NRXN1: variants seen among roughly 807,000 people sequenced by gnomAD.
NRXN1 encodes the protein neurexin-1.
Under a neutral mutation model 150.9 loss-of-function variants are expected in NRXN1, and 39 were observed. That is an observed-to-expected ratio of 0.26 (90% confidence interval 0.20 to 0.34). The LOEUF (loss-of-function observed/expected upper bound fraction) is 0.34. NRXN1 is among the 10% of genes least tolerant of loss of function. The pLI, the probability that NRXN1 is intolerant of heterozygous loss-of-function variation, is 1.00. For synonymous variants in NRXN1, 924 were observed against 757.0 expected, an observed-to-expected ratio of 1.22 and a Z score of -3.62; for missense variants, 1,815 against 1,949.9, an observed-to-expected ratio of 0.93 and a Z score of 1.30.
chr2:50,014,095 GT>G (rs200994555), intron 21 of NRXN1, among the ~76,000 whole-genome samples: 4 of 148,602 alleles, frequency 2.7e-5, no homozygotes, highest in East Asian at 2.0e-4. Context: ...TAAAGAGCTT[GT>G]TTTTTTTTTG....
intron 17 of NRXN1, among the ~76,000 whole-genome samples, chr2:50,407,590 A>G (rs79352707): frequency 0.034 from 5,178 of 152,122 alleles, 306 homozygotes; most frequent in African/African-American, 0.12. Flanking sequence ...CTGTCCCCTC[A>G]TGGATGTGTT....
At chr2:50,259,976 T>C (rs949462430) in intron 17 of NRXN1, among the ~76,000 whole-genome samples, 4 of 151,746 alleles carry the variant, frequency 2.6e-5, no homozygotes, top group Non-Finnish European at 5.9e-5. Flanking sequence ...ACAGATGAAA[T>C]TGGGTTATCT....
chr2:50,733,408 G>A (rs1175528296), intron 5 of NRXN1, among the ~76,000 whole-genome samples: 1 of 151,950 alleles, frequency 6.6e-6, no homozygotes, highest in Non-Finnish European at 1.5e-5. Flanking sequence ...TAGCAAATGG[G>A]AGAAAACAAA....
intron 5 of NRXN1, among the ~76,000 whole-genome samples, chr2:50,773,282 G>A (rs1287588848): frequency 6.6e-6 from 1 of 152,044 alleles, no homozygotes; most frequent in East Asian, 1.9e-4. Context: ...TTTGTCCAGA[G>A]GGTCTCTTTT....
At chr2:50,626,008 C>A (rs1224417777) in intron 5 of NRXN1, among the ~76,000 whole-genome samples, 4 of 151,994 alleles carry the variant, frequency 2.6e-5, no homozygotes, top group Admixed American at 1.3e-4. Flanking sequence ...ATATTCAATG[C>A]TACACTTGAC....
chr2:50,901,825 C>T (rs555134140), intron 5 of NRXN1, among the ~76,000 whole-genome samples: 27 of 152,278 alleles, frequency 1.8e-4, no homozygotes, highest in Middle Eastern at 3.4e-3. Flanking sequence ...CAATAATGTG[C>T]TAATTTGTAT....
At chr2:50,314,174 GTCC>G (rs1353493594) in intron 17 of NRXN1, among the ~76,000 whole-genome samples, 1 of 152,030 alleles carries the variant, frequency 6.6e-6, no homozygotes, top group African/African-American at 2.4e-5. Context: ...GTAGACGCTA[GTCC>G]TCCTCTCACA....
chr2:50,631,086 A>G, intron 5 of NRXN1: 1 of 452,418 alleles, frequency 2.2e-6, no homozygotes, highest in Non-Finnish European at 4.5e-6. Flanking sequence ...GATTATTACA[A>G]GTAAAAATCA....
intron 5 of NRXN1, among the ~76,000 whole-genome samples, chr2:50,909,959 CA>C (rs1684294070): frequency 6.6e-6 from 1 of 151,012 alleles, no homozygotes; most frequent in Non-Finnish European, 1.5e-5. Flanking sequence ...TACTTAGAGG[CA>C]AAAATTACGA....
In NRXN1 at chr2:50,219,975, A is replaced by ATT. The variant is rs1491470411; in HGVS notation, c.3546+16813_3546+16814insAA. On this transcript the variant is annotated intron_variant, in intron 18 of 22. Transcript: ENST00000401669. ...TATAATATATATATTATATATATAT[A>ATT]ATATATATATTATATATAATATATA... 8.7e-3 allele frequency among the ~76,000 whole-genome samples: 225 copies of ATT among 25,736 alleles called. 7 individuals carry two copies. Among genetic ancestry groups the ATT allele is most frequent in the African/African-American group, 0.072 (212 of 2,962 alleles). The allele number at this position is 25,736 out of a possible 152,430, so 16.9% of individuals were successfully genotyped here.
chr2:50,096,701 T>C (rs893011222), intron 18 of NRXN1, among the ~76,000 whole-genome samples: 33 of 152,214 alleles, frequency 2.2e-4, no homozygotes, highest in African/African-American at 8.0e-4. Context: ...CATGGATTCA[T>C]TAAATAAACA....
intron 21 of NRXN1, among the ~76,000 whole-genome samples, chr2:49,969,114 C>A (rs1677482547): frequency 6.6e-6 from 1 of 151,962 alleles, no homozygotes; most frequent in Non-Finnish European, 1.5e-5. Context: ...GTAGCTTATC[C>A]CCGGCCAAAT....
intron 19 of NRXN1, among the ~76,000 whole-genome samples, chr2:50,081,821 A>T (rs908903501): frequency 3.9e-5 from 6 of 152,278 alleles, no homozygotes; most frequent in African/African-American, 9.6e-5. Context: ...AAGATATAAG[A>T]ACTCAGAGTG....
chr2:50,494,178 C>A (rs1332594144), intron 15 of NRXN1, among the ~76,000 whole-genome samples: 1 of 152,182 alleles, frequency 6.6e-6, no homozygotes, highest in Admixed American at 6.5e-5. Context: ...CTTCTCTGGA[C>A]CCTCAATGTG....
At chr2:49,972,538 G>A (rs887071017) in intron 21 of NRXN1, 1 of 152,104 alleles carries the variant, frequency 6.6e-6, no homozygotes, top group African/African-American at 2.4e-5. Flanking sequence ...AATAAGTTTA[G>A]TATTAATTGC....
intron 2 of NRXN1, among the ~76,000 whole-genome samples, chr2:50,937,621 A>G (rs1237352422): frequency 1.3e-5 from 2 of 152,094 alleles, no homozygotes; most frequent in Non-Finnish European, 2.9e-5. Context: ...AACTTTCTCC[A>G]TCGATTGTTG....
intron 19 of NRXN1, among the ~76,000 whole-genome samples, chr2:50,061,707 A>C (rs940164517): frequency 6.6e-6 from 1 of 152,216 alleles, no homozygotes; most frequent in African/African-American, 2.4e-5. Context: ...TTGAATAGTT[A>C]AAAGATAACA....
At chr2:50,985,694 G>A (rs912338369) in intron 2 of NRXN1, among the ~76,000 whole-genome samples, 2 of 151,670 alleles carry the variant, frequency 1.3e-5, no homozygotes, top group South Asian at 4.2e-4. Flanking sequence ...AATGTTAATT[G>A]AAAATACAGG....
intron 9 of NRXN1, among the ~76,000 whole-genome samples, chr2:50,541,869 C>T (rs890818159): frequency 7.9e-5 from 12 of 152,084 alleles, no homozygotes; most frequent in Admixed American, 2.6e-4. Context: ...TGTTGTAACC[C>T]ATGGTACAAA....
Sources: allele counts gnomAD v4.1 joint callset (sites outside exome capture counted in the v4.1 genomes callset), GRCh38; gene constraint gnomAD v4.1.1; transcripts MANE v1.5; gene names NCBI Gene and HGNC (gene_info 2026-07-23, HGNC 2026-07-21).